The following SLC44A5 variants were observed in gnomAD, a reference collection of about 807,000 sequenced individuals.
SLC44A5 encodes the protein choline transporter-like protein 5.
Under a neutral mutation model 101.8 loss-of-function variants are expected in SLC44A5, and 57 were observed. That is an observed-to-expected ratio of 0.56 (90% CI 0.45 to 0.70). The LOEUF (loss-of-function observed/expected upper bound fraction) is 0.70. SLC44A5 is among the 30% of genes least tolerant of loss of function. The pLI is 0.00. For synonymous variants in SLC44A5, 281 were observed against 290.9 expected, an observed-to-expected ratio of 0.97 and a Z score of 0.35; for missense variants, 737 against 853.1, an observed-to-expected ratio of 0.86 and a Z score of 1.70.
intron 4 of SLC44A5, among the ~76,000 whole-genome samples, chr1:75,332,030 C>T (rs1011822778): frequency 6.6e-6 from 1 of 152,138 alleles, no homozygotes. Context: ...CTATTTCTTC[C>T]CTCTTCCAAG....
At chr1:75,285,132 C>T (rs1652933072) in intron 5 of SLC44A5, among the ~76,000 whole-genome samples, 1 of 146,548 alleles carries the variant, frequency 6.8e-6, no homozygotes, top group African/African-American at 2.5e-5. Flanking sequence ...CTGTCTGGTC[C>T]TGGACTTTTT....
chr1:75,420,976 TG>T (rs1207168186), intron 2 of SLC44A5, among the ~76,000 whole-genome samples: 2 of 152,016 alleles, frequency 1.3e-5, no homozygotes, highest in African/African-American at 2.4e-5. Flanking sequence ...GTCACAAAAA[TG>T]AAAATAGCAA....
chr1:75,650,048 TTCTC>T, the SLC44A5 span, among the ~76,000 whole-genome samples: 15 of 151,510 alleles, frequency 9.9e-5, no homozygotes, highest in Non-Finnish European at 1.8e-4. Flanking sequence ...GCCTTGTGTA[TTCTC>T]TCTCTCTCTC....
the SLC44A5 span, among the ~76,000 whole-genome samples, chr1:75,681,598 G>A: frequency 2.3e-4 from 34 of 149,002 alleles, no homozygotes; most frequent in South Asian, 2.1e-4. Flanking sequence ...GGTATTGATG[G>A]GACATATTTC....
At chr1:75,391,205 CAAATGAAA>C (rs1480875511) in intron 3 of SLC44A5, among the ~76,000 whole-genome samples, 11 of 151,788 alleles carry the variant, frequency 7.2e-5, no homozygotes, top group Non-Finnish European at 1.0e-4. Flanking sequence ...ATGACACAAT[CAAATGAAA>C]AAATGAAAAA....
intron 2 of SLC44A5, among the ~76,000 whole-genome samples, chr1:75,480,632 A>C (rs1369328605): frequency 6.6e-6 from 1 of 152,116 alleles, no homozygotes. Context: ...GAGCCAAATC[A>C]TGAGTGAACT....
rs752035419 is a variant in SLC44A5 at position 75,396,574 on chromosome 1, A to G, written c.52+9T>C. 5 of 1,609,118 alleles carry G rather than the reference A, an allele frequency of 3.1e-6. No homozygotes were observed. The highest frequency in any genetic ancestry group is 4.3e-6 in the Non-Finnish European group (5 of 1,175,944). On this transcript the variant is annotated intron_variant, in intron 3 of 23. Transcript: ENST00000370859. Reference sequence around the variant, plus strand: ...ATTCTTAGCACTTAATACTCAGACTATGACTTACCAAAGTCCTCTTCCTCA... The same window carrying G: ...ATTCTTAGCACTTAATACTCAGACTGTGACTTACCAAAGTCCTCTTCCTCA...
At chr1:75,594,072 T>C (rs1366773650) in intron 1 of SLC44A5, among the ~76,000 whole-genome samples, 2 of 152,004 alleles carry the variant, frequency 1.3e-5, no homozygotes, top group Non-Finnish European at 2.9e-5. Flanking sequence ...TATTTCACAT[T>C]GCATGCCTAT....
chr1:75,545,832 T>G (rs1427733748), intron 1 of SLC44A5, among the ~76,000 whole-genome samples: 3 of 151,856 alleles, frequency 2.0e-5, no homozygotes, highest in African/African-American at 7.3e-5. Context: ...TTCTTTTTTT[T>G]TTTTTCTTTG....
chr1:75,233,991 C>T lies in SLC44A5; in HGVS notation c.848G>A (p.Gly283Asp). The T allele has an allele frequency of 5.6e-6, 9 of 1,605,204 alleles. No homozygotes were observed. The highest frequency in any genetic ancestry group is 5.5e-5 in the South Asian group (5 of 90,778). ...VFMIGVIGII[G>D]YGIWHCYQQY... ...TGAAGAGGAGTGATACCTACCATAA[C>T]CTATAATTCCAATCACACCAATCAT... The change falls in exon 12 of 24, where the codon GGT (glycine) becomes GAT (aspartate). Residue 283 changes from glycine to aspartate, a missense_variant. This residue lies in a region of SLC44A5 where 665 missense variants were observed against 764.4 expected (regional missense o/e 0.87). Coordinates refer to ENST00000370859, the MANE Select transcript of SLC44A5 (RefSeq NM_001130058.2).
At position 75,242,045 on chromosome 1, in the gene SLC44A5, A is replaced by G. The variant is rs1163020087; in HGVS notation, c.488T>C (p.Leu163Ser). The G allele has an allele frequency of 6.2e-7, 1 of 1,612,296 alleles. No homozygotes were observed. The part of the protein sequence containing the change: ...AKPVKSLTQL[L>S]LDDDCPTAIF... ...CGCTGTTGGACAATCATCATCCAGT[A>G]AAAGCTGTGTGAGAGACTAAAATAG... Residue 163 changes from leucine (L) to serine (S), a missense_variant, in exon 9 of 24, where the codon TTA (leucine) becomes TCA (serine). Coordinates refer to ENST00000370859, the MANE Select transcript of SLC44A5 (RefSeq NM_001130058.2).
At chr1:75,287,426 CTTTTTT>C (rs371647505) in intron 5 of SLC44A5, among the ~76,000 whole-genome samples, 4,800 of 70,084 alleles carry the variant, frequency 0.068, 126 homozygotes, top group Middle Eastern at 0.22. Flanking sequence ...CTTCTGAATT[CTTTTTT>C]TTTTTTTTTT....
chr1:75,370,464 G>C (rs1295404372), intron 3 of SLC44A5, among the ~76,000 whole-genome samples: 1 of 152,176 alleles, frequency 6.6e-6, no homozygotes, highest in Non-Finnish European at 1.5e-5. Flanking sequence ...ACGCCCAGTA[G>C]TGTGTGTATA....
the SLC44A5 span, among the ~76,000 whole-genome samples, chr1:75,662,685 C>CT: frequency 6.6e-6 from 1 of 150,442 alleles, no homozygotes; most frequent in African/African-American, 2.5e-5. Flanking sequence ...TATGTAATAC[C>CT]CATCCAGGGT....
the SLC44A5 span, among the ~76,000 whole-genome samples, chr1:75,699,510 C>T: frequency 2.0e-5 from 3 of 150,492 alleles, no homozygotes; most frequent in South Asian, 6.3e-4. Flanking sequence ...AAGCGCTAAA[C>T]ATGGAAAGGA....
At chr1:75,423,553 A>C (rs1664136779) in intron 2 of SLC44A5, among the ~76,000 whole-genome samples, 1 of 152,228 alleles carries the variant, frequency 6.6e-6, no homozygotes, top group Non-Finnish European at 1.5e-5. Context: ...AAGCTTTCGC[A>C]TCATATTTTG....
intron 5 of SLC44A5, among the ~76,000 whole-genome samples, chr1:75,284,608 A>T (rs1652889182): frequency 6.6e-6 from 1 of 152,006 alleles, no homozygotes; most frequent in Admixed American, 6.6e-5. Flanking sequence ...GGAATGGTTT[A>T]AACTTTTCCC....
At chr1:75,635,769 G>A in the SLC44A5 span, among the ~76,000 whole-genome samples, 1 of 150,714 alleles carries the variant, frequency 6.6e-6, no homozygotes, top group Admixed American at 6.6e-5. Flanking sequence ...TAACTAACCT[G>A]CACATTGTGC....
intron 4 of SLC44A5, among the ~76,000 whole-genome samples, chr1:75,338,716 A>G (rs185570725): frequency 1.3e-5 from 2 of 152,304 alleles, no homozygotes; most frequent in East Asian, 1.9e-4. Context: ...TTTTTTTACA[A>G]AATTAGAACA....
Sources: allele counts gnomAD v4.1 joint callset (sites outside exome capture counted in the v4.1 genomes callset), GRCh38; gene constraint gnomAD v4.1.1; regional missense constraint gnomAD v4.1.1; transcripts MANE v1.5; gene names NCBI Gene and HGNC (gene_info 2026-07-23, HGNC 2026-07-21).